Variants in DRICH1 observed in about 807,000 individuals in gnomAD.
DRICH1 encodes the protein aspartate-rich protein 1.
A neutral mutation model predicts 39.5 loss-of-function variants in DRICH1; 38 were observed. The observed-to-expected ratio is 0.96, with a 90% CI of 0.74 to 1.26. The LOEUF (loss-of-function observed/expected upper bound fraction) is 1.26. Among genes scored for constraint, DRICH1 ranks in the 50% most tolerant of loss-of-function variants. DRICH1 has a pLI of 0.00. For missense variants in DRICH1, 279 were observed against 270.4 expected, an observed-to-expected ratio of 1.03 and a Z score of -0.22; for synonymous variants, 84 against 99.5, an observed-to-expected ratio of 0.84 and a Z score of 0.93.
At chr22:23,621,918 C>T (rs1338410524) in intron 4 of DRICH1, among the ~76,000 whole-genome samples, 173 bp downstream of exon 4, 3 of 151,038 alleles carry the variant, frequency 2.0e-5, no homozygotes, top group African/African-American at 7.3e-5. Context: ...AAAACAAAAA[C>T]AAAACAAAAC....
At position 23,614,125 on chromosome 22, in the gene DRICH1, G is replaced by C. The variant is rs766220613; in HGVS notation, c.621+10C>G. On this transcript the variant is annotated intron_variant, in intron 9 of 11. Coordinates refer to ENST00000317749, the MANE Select transcript of DRICH1 (RefSeq NM_016449.4). ...CATTGCTGTAGAAGACAAAAAAAGG[G>C]AGGTCTTACGTGGATGTCATCATCA... The C allele has an allele frequency of 7.6e-6, 12 of 1,587,676 alleles. No individual in the cohort carries two copies. Among genetic ancestry groups the C allele is most frequent in the Non-Finnish European group, 1.0e-5 (12 of 1,157,368 alleles).
intron 10 of DRICH1, 121 bp downstream of exon 10, chr22:23,613,518 G>C: frequency 1.1e-6 from 1 of 924,508 alleles, no homozygotes; most frequent in Non-Finnish European, 1.8e-6. Context: ...TTCTATACTG[G>C]CAGAATCACT....
chr22:23,595,674 A>T, the DRICH1 span, among the ~76,000 whole-genome samples: 1 of 152,250 alleles, frequency 6.6e-6, no homozygotes, highest in Admixed American at 6.5e-5. Context: ...TGGGGGTCAG[A>T]CCAACTCAGG....
the DRICH1 span, among the ~76,000 whole-genome samples, chr22:23,601,146 GCACACACACACACACA>G: frequency 1.4e-5 from 2 of 146,142 alleles, no homozygotes; most frequent in African/African-American, 5.1e-5. Context: ...ACGCACGCGC[GCACACACACACACACA>G]CACACACACA....
At chr22:23,613,478 C>T in intron 10 of DRICH1, 148 bp from the exon 11 acceptor site, 1 of 936,480 alleles carries the variant, frequency 1.1e-6, no homozygotes. Flanking sequence ...TCTGGGTCGA[C>T]AAACCTTCCT....
intron 1 of DRICH1, among the ~76,000 whole-genome samples, chr22:23,628,384 T>A (rs1750272225): frequency 6.6e-6 from 1 of 151,650 alleles, no homozygotes; most frequent in Non-Finnish European, 1.5e-5. Flanking sequence ...CTGGCCAACA[T>A]GGAGAAACCC....
At chr22:23,608,903 C>A in intron 11 of DRICH1, 135 bp from the exon 12 acceptor site, 1 of 963,250 alleles carries the variant, frequency 1.0e-6, no homozygotes, top group Non-Finnish European at 1.6e-6. Context: ...GGAGAAATTA[C>A]AGATGCGGAA....
chr22:23,624,800 T>C, intron 3 of DRICH1, 83 bp downstream of exon 3: 2 of 1,487,778 alleles, frequency 1.3e-6, no homozygotes, highest in Non-Finnish European at 1.9e-6. Flanking sequence ...CAATATTTTT[T>C]AACAGGAATC....
rs1927544087 is a variant in DRICH1 at position 23,618,952 on chromosome 22, T to C, written c.436+412A>G. On this transcript the variant is annotated intron_variant, in intron 6 of 11. Transcript: ENST00000317749. The stretch of plus-strand genomic sequence containing the variant: ...ACTTTGGGAGGCCGAGGTGGGGGGA[T>C]CACGAGGTCAAGAGATCGAGACCAT... 3.3e-5 allele frequency among the ~76,000 whole-genome samples: 5 copies of C among 152,074 alleles called. No homozygotes were observed. The South Asian group carries it at 1.0e-3, about 32-fold the overall frequency.
chr22:23,605,557 AG>A (rs1926681120), downstream of DRICH1, among the ~76,000 whole-genome samples: 1 of 151,988 alleles, frequency 6.6e-6, no homozygotes, highest in East Asian at 1.9e-4. Context: ...GGGAGAAAGG[AG>A]GAGCCTGGGT....
At chr22:23,586,017 ATATG>A in the DRICH1 span, among the ~76,000 whole-genome samples, 1 of 152,184 alleles carries the variant, frequency 6.6e-6, no homozygotes, top group African/African-American at 2.4e-5. Context: ...GCAGTGTTCT[ATATG>A]TAAGTCCATT....
At chr22:23,580,928 C>G in the DRICH1 span, 1 of 152,356 alleles carries the variant, frequency 6.6e-6, no homozygotes, top group Admixed American at 6.5e-5. Flanking sequence ...CCTCACTGAC[C>G]TCACATCACA....
chr22:23,608,351 G>A (rs370073879), downstream of DRICH1: 15 of 200,654 alleles, frequency 7.5e-5, no homozygotes, highest in South Asian at 2.6e-4. Flanking sequence ...TTATGAGGGC[G>A]AGGCCTTATA....
At chr22:23,619,873 T>C (rs1197654394) in intron 5 of DRICH1, among the ~76,000 whole-genome samples, 5 of 152,042 alleles carry the variant, frequency 3.3e-5, no homozygotes, top group Non-Finnish European at 4.4e-5. Context: ...TGTGCTGCCA[T>C]GAAACCTAAC....
At chr22:23,607,770 G>A (rs1166440577), downstream of DRICH1, among the ~76,000 whole-genome samples, 3 of 152,134 alleles carry the variant, frequency 2.0e-5, no homozygotes. Flanking sequence ...CTCTGAAAAT[G>A]CAGCCTCCCC....
At chr22:23,619,171 CAAA>C (rs5844565) in intron 6 of DRICH1, among the ~76,000 whole-genome samples, 190 bp downstream of exon 6, 1,067 of 84,894 alleles carry the variant, frequency 0.013, 14 homozygotes, top group African/African-American at 0.047. Flanking sequence ...GACTCCGTCT[CAAA>C]AAAAAAAAAA....
At chr22:23,613,115 C>T (rs1011955523) in intron 11 of DRICH1, among the ~76,000 whole-genome samples, 174 bp downstream of exon 11, 3 of 152,184 alleles carry the variant, frequency 2.0e-5, no homozygotes, top group Non-Finnish European at 2.9e-5. Flanking sequence ...AGAGACAGTT[C>T]TTACCATGAT....
Position 23,626,204 on chromosome 22 carries a change from C to A in DRICH1, c.209-156G>T, listed in dbSNP as rs568007044. Among the ~76,000 whole-genome samples, 285 of 152,262 alleles carry A rather than the reference C, an allele frequency of 1.9e-3. 2 individuals carry two copies. The highest frequency in any genetic ancestry group is 5.9e-3 in the African/African-American group (247 of 41,556). Reference sequence around the variant, plus strand: ...GTTCAAGTAGTGAGCATGAGGGAGTCTCACCAGATACCTTGCATCTTAGCC... The same window carrying A: ...GTTCAAGTAGTGAGCATGAGGGAGTATCACCAGATACCTTGCATCTTAGCC... On this transcript the variant is annotated intron_variant, in intron 1 of 11. Transcript: ENST00000317749.
chr22:23,624,157 A>G, intron 3 of DRICH1: 1 of 985,052 alleles, frequency 1.0e-6, no homozygotes, highest in Non-Finnish European at 1.2e-6. Context: ...GAAACCTAAC[A>G]GTTCATAAGG....
Sources: allele counts gnomAD v4.1 joint callset (sites outside exome capture counted in the v4.1 genomes callset), GRCh38; gene constraint gnomAD v4.1.1; transcripts MANE v1.5; gene names NCBI Gene and HGNC (gene_info 2026-07-23, HGNC 2026-07-21).